MAGI1: variants seen among roughly 807,000 people sequenced by gnomAD.
The protein encoded by MAGI1 is membrane associated guanylate kinase, WW and PDZ domain containing 1, also known as membrane-associated guanylate kinase, WW and PDZ domain-containing protein 1.
In MAGI1, 58 loss-of-function variants were observed where a neutral mutation model predicts 139.9. That is an observed-to-expected ratio of 0.41 (90% CI 0.34 to 0.52). MAGI1 has a LOEUF of 0.52. MAGI1 is among the 20% of genes least tolerant of loss of function. MAGI1 has a pLI of 0.12. For synonymous variants in MAGI1, 812 were observed against 737.9 expected, an observed-to-expected ratio of 1.10 and a Z score of -1.63; for missense variants, 1,874 against 1,901.6, an observed-to-expected ratio of 0.99 and a Z score of 0.27.
At chr3:65,607,389 C>T (rs2082801149) in intron 2 of MAGI1, among the ~76,000 whole-genome samples, 1 of 152,076 alleles carries the variant, frequency 6.6e-6, no homozygotes, top group Non-Finnish European at 1.5e-5. Context: ...CTTCTGTTAA[C>T]AGAAGTGGTA....
chr3:65,509,669 G>A (rs573391972), intron 2 of MAGI1, among the ~76,000 whole-genome samples: 9 of 152,242 alleles, frequency 5.9e-5, no homozygotes, highest in East Asian at 3.9e-4. Context: ...ACGGAATCTC[G>A]CTGATTGCTA....
chr3:65,360,771 G>A, intron 22 of MAGI1: 1 of 1,014,986 alleles, frequency 9.9e-7, no homozygotes, highest in Non-Finnish European at 1.2e-6. Context: ...CTTAAATAAA[G>A]ACACCAAGTA....
intron 2 of MAGI1, among the ~76,000 whole-genome samples, chr3:65,532,579 G>T (rs2078762837): frequency 6.6e-6 from 1 of 152,206 alleles, no homozygotes; most frequent in Non-Finnish European, 1.5e-5. Flanking sequence ...TGCTCTTTCT[G>T]GGTCAGACTG....
intron 1 of MAGI1, among the ~76,000 whole-genome samples, chr3:65,829,838 G>C (rs2042431567): frequency 6.6e-6 from 1 of 152,114 alleles, no homozygotes; most frequent in African/African-American, 2.4e-5. Flanking sequence ...GGAATCTCAA[G>C]TTTTTTTCCA....
At chr3:65,653,578 C>A (rs751455668) in intron 1 of MAGI1, among the ~76,000 whole-genome samples, 1 of 152,076 alleles carries the variant, frequency 6.6e-6, no homozygotes, top group African/African-American at 2.4e-5. Context: ...TTATAAAACC[C>A]GAATCATTGA....
intron 2 of MAGI1, among the ~76,000 whole-genome samples, chr3:65,581,133 G>C (rs1054193483): frequency 7.3e-5 from 11 of 151,576 alleles, no homozygotes; most frequent in Non-Finnish European, 1.6e-4. Flanking sequence ...CTCATAACTG[G>C]TCTTCTGCAT....
rs115478332 is a variant in MAGI1 at position 65,494,798 on chromosome 3, C to T, written c.431-1167G>A. 6.8e-3 allele frequency among the ~76,000 whole-genome samples: 1,033 copies of T among 152,362 alleles called. 13 individuals are homozygous for T. The highest frequency in any genetic ancestry group is 0.024 in the African/African-American group (988 of 41,590). On this transcript the variant is annotated intron_variant, in intron 2 of 22. Coordinates refer to ENST00000402939, the MANE Select transcript of MAGI1 (RefSeq NM_001033057.2). The stretch of plus-strand genomic sequence containing the variant: ...ATGTGAATAACCGCATCCACACCTA[C>T]ACTGGATATTCACAATTTTCATAAG...
intron 2 of MAGI1, among the ~76,000 whole-genome samples, chr3:65,568,469 G>A (rs1467469605): frequency 9.2e-5 from 14 of 152,138 alleles, no homozygotes. Context: ...GTGAGTCGGG[G>A]AGTCACTGCG....
intron 7 of MAGI1, among the ~76,000 whole-genome samples, chr3:65,443,539 G>C (rs971709909): frequency 2.0e-5 from 3 of 152,186 alleles, no homozygotes; most frequent in Admixed American, 2.0e-4. Context: ...ACTCAACCAT[G>C]CTCTACAGAA....
intron 1 of MAGI1, among the ~76,000 whole-genome samples, chr3:65,636,003 T>C (rs536590852): frequency 6.6e-6 from 1 of 152,264 alleles, no homozygotes; most frequent in African/African-American, 2.4e-5. Context: ...GTGACACAAT[T>C]TCCCATCAAC....
At chr3:65,491,974 C>T (rs527621000) in intron 3 of MAGI1, among the ~76,000 whole-genome samples, 2 of 152,220 alleles carry the variant, frequency 1.3e-5, no homozygotes, top group East Asian at 3.9e-4. Context: ...CCAGAAACAG[C>T]CATCTCTAAG....
intron 2 of MAGI1, among the ~76,000 whole-genome samples, chr3:65,585,105 T>C (rs1559694145): frequency 6.6e-6 from 1 of 152,226 alleles, no homozygotes; most frequent in African/African-American, 2.4e-5. Context: ...ATTAAGACCA[T>C]TTATAGATGA....
chr3:65,842,407 C>A (rs11708990), intron 1 of MAGI1, among the ~76,000 whole-genome samples: 2 of 149,298 alleles, frequency 1.3e-5, no homozygotes, highest in Admixed American at 1.3e-4. Flanking sequence ...GTTGCCCAGG[C>A]TGGAGTGCAA....
chr3:65,453,151 TA>T, intron 6 of MAGI1, 106 bp downstream of exon 6: 2 of 941,548 alleles, frequency 2.1e-6, no homozygotes, highest in Non-Finnish European at 3.4e-6. Context: ...GATTACCTTT[TA>T]AAAACTCAAC....
At chr3:65,376,386 T>G (rs985792841) in intron 17 of MAGI1, among the ~76,000 whole-genome samples, 5 of 152,212 alleles carry the variant, frequency 3.3e-5, no homozygotes, top group African/African-American at 4.8e-5. Context: ...TTGTTTAAGC[T>G]TCTGCCAATG....
chr3:65,951,686 T>A (rs892178436), intron 1 of MAGI1, among the ~76,000 whole-genome samples: 1 of 152,232 alleles, frequency 6.6e-6, no homozygotes, highest in Non-Finnish European at 1.5e-5. Context: ...CGCATTATAT[T>A]TCTATTGGAC....
chr3:65,953,218 C>T (rs2063950873), intron 1 of MAGI1, among the ~76,000 whole-genome samples: 1 of 152,146 alleles, frequency 6.6e-6, no homozygotes, highest in South Asian at 2.1e-4. Context: ...AAATCACTTG[C>T]TGAAAAATTA....
chr3:65,376,220 A>G (rs897664850), intron 17 of MAGI1, among the ~76,000 whole-genome samples: 2 of 152,172 alleles, frequency 1.3e-5, no homozygotes, highest in African/African-American at 4.8e-5. Context: ...CCTTAAACCA[A>G]TTACAAAATT....
chr3:65,701,314 G>A (rs1374224260), intron 1 of MAGI1, among the ~76,000 whole-genome samples: 1 of 152,094 alleles, frequency 6.6e-6, no homozygotes, highest in African/African-American at 2.4e-5. Context: ...GTGCAATGGC[G>A]TGATCTTGCC....
Sources: allele counts gnomAD v4.1 joint callset (sites outside exome capture counted in the v4.1 genomes callset), GRCh38; gene constraint gnomAD v4.1.1; transcripts MANE v1.5; gene names NCBI Gene and HGNC (gene_info 2026-07-23, HGNC 2026-07-21).